The following XKR9 variants were observed in gnomAD, a reference collection of about 807,000 sequenced individuals.
XKR9 encodes the protein XK related 9.
In XKR9, 32 loss-of-function variants were observed where a neutral mutation model predicts 32.0. The ratio of observed to expected loss-of-function variants is 1.00; its 90% CI spans 0.76 to 1.34. XKR9 has a LOEUF of 1.34. Among genes scored for constraint, XKR9 ranks in the 40% most tolerant of loss-of-function variants. XKR9 has a pLI of 0.00. For synonymous variants in XKR9, 168 were observed against 143.4 expected (o/e 1.17, Z -1.22); for missense variants, 546 against 429.7 (o/e 1.27, Z -2.39).
intron 2 of XKR9, among the ~76,000 whole-genome samples, chr8:70,767,670 T>C: frequency 6.6e-6 from 1 of 151,762 alleles, no homozygotes; most frequent in Non-Finnish European, 1.5e-5. Flanking sequence ...CTAATTTTTG[T>C]TTTTGTAATT....
intron 2 of XKR9, among the ~76,000 whole-genome samples, chr8:70,773,556 A>T (rs1023314383): frequency 6.6e-6 from 1 of 152,194 alleles, no homozygotes; most frequent in African/African-American, 2.4e-5. Context: ...CACTTGGATT[A>T]ACTTTTGTGT....
At chr8:70,927,485 G>A in the XKR9 span, among the ~76,000 whole-genome samples, 1 of 152,146 alleles carries the variant, frequency 6.6e-6, no homozygotes, top group Non-Finnish European at 1.5e-5. Context: ...GGGAAGTCCA[G>A]AGTCAATCTG....
chr8:70,958,927 G>A, the XKR9 span, among the ~76,000 whole-genome samples: 26 of 151,958 alleles, frequency 1.7e-4, no homozygotes, highest in African/African-American at 6.3e-4. Flanking sequence ...TATATAATTT[G>A]TGTGTATATA....
At chr8:70,823,391 T>C in the XKR9 span, among the ~76,000 whole-genome samples, 22 of 152,334 alleles carry the variant, frequency 1.4e-4, no homozygotes, top group Admixed American at 3.3e-4. Flanking sequence ...CTCAACTTCC[T>C]ACCCACTCAC....
chr8:70,836,323 A>C, the XKR9 span, among the ~76,000 whole-genome samples: 1 of 152,102 alleles, frequency 6.6e-6, no homozygotes. Context: ...GAGCATTACT[A>C]TCACCCTAAA....
intron 3 of XKR9, among the ~76,000 whole-genome samples, chr8:70,698,330 A>G (rs975974310): frequency 2.0e-5 from 3 of 152,152 alleles, no homozygotes; most frequent in Admixed American, 1.3e-4. Flanking sequence ...TTAGTGCTAT[A>G]AATTTCCCTC....
chr8:70,838,923 A>G, the XKR9 span, among the ~76,000 whole-genome samples: 1 of 149,848 alleles, frequency 6.7e-6, no homozygotes, highest in Non-Finnish European at 1.5e-5. Context: ...CCCTGTCTCT[A>G]GACTAAATAA....
At chr8:70,681,427 C>A in intron 3 of XKR9, 97 bp downstream of exon 3, 1 of 1,406,042 alleles carries the variant, frequency 7.1e-7, no homozygotes, top group Non-Finnish European at 9.6e-7. Flanking sequence ...TACAAAGATC[C>A]CTTATTTGCA....
chr8:70,883,838 T>C, the XKR9 span, among the ~76,000 whole-genome samples: 17 of 152,308 alleles, frequency 1.1e-4, no homozygotes, highest in Admixed American at 3.3e-4. Flanking sequence ...AGAAAGCTAA[T>C]ATAAACATTT....
chr8:70,964,096 G>T, the XKR9 span, among the ~76,000 whole-genome samples: 1 of 151,990 alleles, frequency 6.6e-6, no homozygotes, highest in Non-Finnish European at 1.5e-5. Flanking sequence ...TTACAGTCTT[G>T]GGTTTTACAT....
the XKR9 span, among the ~76,000 whole-genome samples, chr8:71,016,277 T>C: frequency 1.3e-5 from 2 of 152,200 alleles, no homozygotes; most frequent in African/African-American, 4.8e-5. Flanking sequence ...GAGCTGTTTT[T>C]ATATTTTTTC....
chr8:70,729,116 T>C (rs1164401707), intron 4 of XKR9, among the ~76,000 whole-genome samples: 1 of 152,228 alleles, frequency 6.6e-6, no homozygotes, highest in Non-Finnish European at 1.5e-5. Context: ...AAGTATGCCA[T>C]TCCAGTCAAA....
At chr8:70,692,907 C>G (rs377710971) in intron 3 of XKR9, among the ~76,000 whole-genome samples, 6 of 152,020 alleles carry the variant, frequency 3.9e-5, no homozygotes, top group African/African-American at 1.4e-4. Context: ...GAGGTATGTT[C>G]CTTCAATACC....
the XKR9 span, among the ~76,000 whole-genome samples, chr8:70,979,754 T>C: frequency 6.6e-6 from 1 of 152,176 alleles, no homozygotes; most frequent in African/African-American, 2.4e-5. Context: ...TTCTCAGAGC[T>C]CAAACATTGT....
At chr8:70,744,068 T>C (rs112027264) in intron 2 of XKR9, among the ~76,000 whole-genome samples, 40 of 152,194 alleles carry the variant, frequency 2.6e-4, no homozygotes, top group African/African-American at 8.4e-4. Flanking sequence ...GCCAGCACTT[T>C]GGGAGGCTGA....
At chr8:71,020,800 G>C in the XKR9 span, among the ~76,000 whole-genome samples, 1 of 152,140 alleles carries the variant, frequency 6.6e-6, no homozygotes, top group East Asian at 1.9e-4. Flanking sequence ...TGAAATATAT[G>C]ATACATTGTT....
the XKR9 span, among the ~76,000 whole-genome samples, chr8:70,938,653 A>C: frequency 1.3e-5 from 2 of 152,234 alleles, no homozygotes; most frequent in African/African-American, 4.8e-5. Flanking sequence ...AGCACAATAG[A>C]CAGAGAATCA....
chr8:70,946,274 TC>T, the XKR9 span, among the ~76,000 whole-genome samples: 1 of 152,166 alleles, frequency 6.6e-6, no homozygotes, highest in Admixed American at 6.5e-5. Flanking sequence ...AGAACCCACA[TC>T]TTTTTGGCCA....
the XKR9 span, among the ~76,000 whole-genome samples, chr8:71,037,425 T>C: frequency 1.2e-4 from 18 of 152,190 alleles, no homozygotes; most frequent in Admixed American, 1.3e-4. Context: ...TAACAGAACA[T>C]TTTCATTTTA....
Sources: allele counts gnomAD v4.1 joint callset (sites outside exome capture counted in the v4.1 genomes callset), GRCh38; gene constraint gnomAD v4.1.1; transcripts MANE v1.5; gene names NCBI Gene and HGNC (gene_info 2026-07-23, HGNC 2026-07-21).